The following CELF2 variants were observed in gnomAD, a reference collection of about 807,000 sequenced individuals.
The protein encoded by CELF2 is CUG triplet repeat RNA-binding protein 2.
Under a neutral mutation model 62.6 loss-of-function variants are expected in CELF2, and 8 were observed. The ratio of observed to expected loss-of-function variants is 0.13; its 90% CI spans 0.07 to 0.23. The LOEUF (loss-of-function observed/expected upper bound fraction) is 0.23. Among genes scored for constraint, CELF2 ranks in the 10% least tolerant of loss-of-function variants. The pLI, the probability that CELF2 is intolerant of heterozygous loss-of-function variation, is 1.00. For synonymous variants in CELF2, 258 were observed against 250.0 expected (o/e 1.03, Z -0.30); for missense variants, 333 against 671.0 (o/e 0.50, Z 5.56).
chr10:11,259,085 T>C (rs192696576), intron 5 of CELF2, among the ~76,000 whole-genome samples: 7 of 152,332 alleles, frequency 4.6e-5, no homozygotes, highest in African/African-American at 1.4e-4. Flanking sequence ...TTGGGGCAAA[T>C]GAGGAACTTG....
chr10:11,102,843 C>T (rs887395777), intron 1 of CELF2, among the ~76,000 whole-genome samples: 8 of 152,136 alleles, frequency 5.3e-5, no homozygotes, highest in African/African-American at 1.4e-4. Context: ...CCCCACAGCT[C>T]ATGAAACCCT....
At chr10:10,812,863 TC>T (rs1188743428) in intron 1 of CELF2, among the ~76,000 whole-genome samples, 3 of 152,202 alleles carry the variant, frequency 2.0e-5, no homozygotes, top group Non-Finnish European at 4.4e-5. Flanking sequence ...TCCTCCTGTA[TC>T]CCTTATATCA....
chr10:10,505,944 C>T, the CELF2 span, among the ~76,000 whole-genome samples: 3 of 152,320 alleles, frequency 2.0e-5, no homozygotes, highest in South Asian at 6.2e-4. Flanking sequence ...AGATGGTCTA[C>T]CACCTTCTTT....
chr10:10,901,759 C>G (rs7096077), intron 1 of CELF2, among the ~76,000 whole-genome samples: 4,322 of 152,136 alleles, frequency 0.028, 214 homozygotes, highest in African/African-American at 0.099. Context: ...CATTATATAT[C>G]CGATGAAGAA....
rs890168344 is a variant in CELF2 at position 11,243,331 on chromosome 10, A to C, written c.355-5822A>C. Among the ~76,000 whole-genome samples, 2 of 151,518 alleles carry C rather than the reference A, an allele frequency of 1.3e-5. No homozygotes were observed. Among genetic ancestry groups the C allele is most frequent in the Non-Finnish European group, 2.9e-5 (2 of 67,946 alleles). Reference sequence around the variant, plus strand: ...GACCAAGAAGTTAACCATGTACCTTAACGTGCGGCTTTAGGCAAAATGTTA... The same window carrying C: ...GACCAAGAAGTTAACCATGTACCTTCACGTGCGGCTTTAGGCAAAATGTTA... On this transcript the variant is annotated intron_variant, in intron 3 of 12. Coordinates refer to ENST00000633077, the MANE Select transcript of CELF2 (RefSeq NM_001326342.2). This position sits in a 1 kb window ranked among gnomAD's most constrained non-coding sequence, Gnocchi z 4.1.
chr10:11,044,890 A>C (rs185113081), intron 1 of CELF2, among the ~76,000 whole-genome samples: 1 of 152,368 alleles, frequency 6.6e-6, no homozygotes, highest in African/African-American at 2.4e-5. Flanking sequence ...CACGTATTTG[A>C]ATTGCACATT....
In CELF2 at chr10:11,039,985, A is replaced by G. The variant is rs2061544686; in HGVS notation, c.74+21822A>G. Among the ~76,000 whole-genome samples, 1 of 152,230 alleles carries G rather than the reference A, an allele frequency of 6.6e-6. No individual in the cohort carries two copies. On this transcript the variant is annotated intron_variant, in intron 1 of 12. Transcript: ENST00000633077. This position sits in a 1 kb window ranked among gnomAD's most constrained non-coding sequence, Gnocchi z 4.1. ...TGTATTGATTATCTTTATGTGGACC[A>G]TGACAAATTGATTTTTTAATTGAGA...
chr10:11,072,246 G>A (rs1277158408), intron 1 of CELF2, among the ~76,000 whole-genome samples: 1 of 152,124 alleles, frequency 6.6e-6, no homozygotes, highest in African/African-American at 2.4e-5. Context: ...TCTCTCCCAG[G>A]GTTTTGTACC....
intron 11 of CELF2, among the ~76,000 whole-genome samples, chr10:11,323,080 C>T (rs1245809570): frequency 6.6e-6 from 1 of 151,610 alleles, no homozygotes; most frequent in African/African-American, 2.4e-5. Flanking sequence ...CAACATGTTT[C>T]GAAACAACAT....
At chr10:10,896,137 T>A (rs971154931) in intron 1 of CELF2, among the ~76,000 whole-genome samples, 2 of 152,094 alleles carry the variant, frequency 1.3e-5, no homozygotes. Context: ...GCTGGGGAGA[T>A]AACCACTTGA....
At chr10:10,911,882 T>C (rs1325265683) in intron 1 of CELF2, among the ~76,000 whole-genome samples, 1 of 152,210 alleles carries the variant, frequency 6.6e-6, no homozygotes, top group Non-Finnish European at 1.5e-5. Context: ...CACCCAGGAA[T>C]AGATCTGAGA....
rs560714369 is a variant in CELF2 at position 10,980,414 on chromosome 10, C to T, written c.89+60415C>T. Among the ~76,000 whole-genome samples, 336 of 152,346 alleles carry T rather than the reference C, an allele frequency of 2.2e-3. 2 individuals carry two copies. Among genetic ancestry groups the T allele is most frequent in the Non-Finnish European group, 4.1e-3 (276 of 68,034 alleles). On this transcript the variant is annotated intron_variant, in intron 2 of 13. Coordinates refer to the CELF2 transcript ENST00000636488. ...TTCGAAGCCCTTCTCGCCTCTTAGA[C>T]TCAGGTGTGCCTCTATTGTAAGAGG...
chr10:10,536,155 G>A, the CELF2 span, among the ~76,000 whole-genome samples: 1 of 151,856 alleles, frequency 6.6e-6, no homozygotes, highest in African/African-American at 2.4e-5. Flanking sequence ...GAGTAGCTGA[G>A]ACTACAGGCA....
chr10:10,860,457 A>G (rs2059986148), intron 1 of CELF2, among the ~76,000 whole-genome samples: 1 of 152,174 alleles, frequency 6.6e-6, no homozygotes, highest in South Asian at 2.1e-4. Flanking sequence ...GAGTCTTCTG[A>G]TGGAAATTCT....
chr10:10,854,157 G>A (rs1477419738), intron 1 of CELF2, among the ~76,000 whole-genome samples: 1 of 152,134 alleles, frequency 6.6e-6, no homozygotes, highest in Non-Finnish European at 1.5e-5. Flanking sequence ...GATATGTCTG[G>A]AGGACACTCA....
intron 1 of CELF2, among the ~76,000 whole-genome samples, chr10:11,109,410 A>C (rs2054519279): frequency 6.6e-6 from 1 of 152,228 alleles, no homozygotes. Context: ...GACTCACTGG[A>C]GCCTCAAGTA....
chr10:11,047,403 A>G (rs1051391822), intron 1 of CELF2, among the ~76,000 whole-genome samples: 4 of 152,158 alleles, frequency 2.6e-5, no homozygotes, highest in African/African-American at 4.8e-5. Context: ...TTTAAGCAAA[A>G]TAAACAGGTA....
chr10:10,561,484 T>C, the CELF2 span, among the ~76,000 whole-genome samples: 1 of 152,218 alleles, frequency 6.6e-6, no homozygotes, highest in Non-Finnish European at 1.5e-5. Context: ...CCTTTCTTCA[T>C]GGAGTTTACA....
In CELF2 at chr10:11,333,548, AAAAT is replaced by A. The variant is rs761351880; in HGVS notation, c.*4499_*4502del. On this transcript the variant is annotated 3_prime_UTR_variant, in exon 13 of 13. Coordinates refer to ENST00000633077, the MANE Select transcript of CELF2 (RefSeq NM_001326342.2). ...ATTATCTTAAGTGCTAATTAAAAAA[AAAAT>A]AAAATTTTAAAAAAACCTGTAGTTT... 2.0e-5 allele frequency: 3 copies of A among 152,454 alleles called. No homozygotes were observed. Among genetic ancestry groups the A allele is most frequent in the South Asian group, 2.1e-4 (1 of 4,830 alleles). The allele number at this position is 152,454 out of a possible 1,614,324, so 9.4% of individuals were successfully genotyped here.
Sources: gnomAD v4.1 joint callset for allele counts (sites outside exome capture counted in the v4.1 genomes callset) on GRCh38, gnomAD v4.1.1 for gene constraint, Gnocchi (gnomAD v3.1) non-coding constraint, MANE v1.5 for transcripts, NCBI Gene and HGNC (gene_info 2026-07-23, HGNC 2026-07-21) for gene names.